ARHGAP23: variants seen among roughly 807,000 people sequenced by gnomAD.
ARHGAP23 encodes rho GTPase-activating protein 23.
ARHGAP23 carries 34 observed loss-of-function variants against 136.3 expected under a neutral mutation model. The observed-to-expected ratio is 0.25, with a 90% CI of 0.19 to 0.33. The LOEUF is 0.33. Ranked by LOEUF, ARHGAP23 falls within the 10% of genes least tolerant of loss-of-function variation. The probability of loss-of-function intolerance (pLI) is 1.00; values close to 1 mark genes in which losing one functional copy is unlikely to be tolerated. For missense variants in ARHGAP23, 1,808 were observed against 2,139.0 expected, an observed-to-expected ratio of 0.85 and a Z score of 3.05; for synonymous variants, 832 against 920.5, an observed-to-expected ratio of 0.90 and a Z score of 1.74.
chr17:38,482,470 C>T (rs1567814772), intron 15 of ARHGAP23, 53 bp from the exon 16 acceptor site: 9 of 1,477,506 alleles, frequency 6.1e-6, no homozygotes, highest in Non-Finnish European at 8.2e-6. Context: ...TTCTTGGCCT[C>T]CCCAGCTCCT....
At chr17:38,441,100 A>T (rs2038910106) in intron 1 of ARHGAP23, among the ~76,000 whole-genome samples, 1 of 152,198 alleles carries the variant, frequency 6.6e-6, no homozygotes, top group African/African-American at 2.4e-5. Flanking sequence ...CTGAGTGACC[A>T]TTCGGCCTAT....
At chr17:38,497,629 A>G (rs1026113114) in intron 20 of ARHGAP23, among the ~76,000 whole-genome samples, 156 bp from the exon 21 acceptor site, 1 of 152,134 alleles carries the variant, frequency 6.6e-6, no homozygotes, top group Non-Finnish European at 1.5e-5. Context: ...GGGTCCGTCA[A>G]GCTCCCTCTG....
At chr17:38,504,768 A>ACAGT (rs1215528260) in intron 23 of ARHGAP23, among the ~76,000 whole-genome samples, 1 of 152,060 alleles carries the variant, frequency 6.6e-6, no homozygotes, top group Non-Finnish European at 1.5e-5. Flanking sequence ...TCTAGATGTG[A>ACAGT]CAGTCCTGTC....
intron 16 of ARHGAP23, 71 bp from the exon 17 acceptor site, chr17:38,485,991 G>A (rs2144734768): frequency 1.4e-6 from 2 of 1,425,328 alleles, no homozygotes; most frequent in Middle Eastern, 2.3e-4. Context: ...TTGGGCTCTG[G>A]GGTGAATGAT....
At position 38,510,089 on chromosome 17, in the gene ARHGAP23, A is replaced by G; in HGVS notation, c.3593A>G (p.His1198Arg). Residue 1198 changes from histidine (H) to arginine (R), a missense_variant, in exon 24 of 24, where the codon CAC (histidine) becomes CGC (arginine). Around this residue, in one of 7 missense-constraint regions of ARHGAP23, gnomAD observed 506 missense variants for 455.8 expected, o/e 1.11. Transcript: ENST00000622683. This position sits in a 1 kb window ranked among gnomAD's most constrained non-coding sequence, Gnocchi z 4.6. ...STDDDSEQEAHKPGAGATAPG... is the reference protein window; with the variant it reads ...STDDDSEQEARKPGAGATAPG... ...GACGACGACTCGGAGCAGGAGGCGC[A>G]CAAGCCTGGGGCGGGGGCCACAGCG... 8.1e-7 allele frequency: 1 copy of G among 1,240,862 alleles called. No individual in the cohort carries two copies. The highest frequency in any genetic ancestry group is 3.1e-5 in the East Asian group (1 of 31,748). 76.9% of individuals were successfully genotyped at this position (1,240,862 alleles called of 1,614,324 possible). A position where few individuals can be genotyped will look rare whatever the true frequency, so the allele number is the denominator to read the frequency against.
rs569165575 is a variant in ARHGAP23, at chr17:38,481,454, G to A, written c.2630-568G>A. Among the ~76,000 whole-genome samples, 4 of 152,322 alleles carry A rather than the reference G, an allele frequency of 2.6e-5. No individual in the cohort carries two copies. In the East Asian group the frequency reaches 7.7e-4, roughly 29 times the overall value. ...AAGCCACCGCGCCCGGCCCACGCCC[G>A]GCTAATTTTTGTATGTTTAGTAGAG... On this transcript the variant is annotated intron_variant, in intron 14 of 23. Transcript: ENST00000622683.
chr17:38,492,609 G>A (rs190877012), intron 20 of ARHGAP23, among the ~76,000 whole-genome samples: 1,798 of 152,350 alleles, frequency 0.012, 11 homozygotes, highest in Non-Finnish European at 0.017. Flanking sequence ...GCTGGCTTGG[G>A]ACGGAGGGAG....
rs1264754569 is a variant in ARHGAP23 at position 38,482,663 on chromosome 17, C to T, written c.2892C>T (p.Ile964=). The T allele has an allele frequency of 1.9e-6, 3 of 1,548,238 alleles. No individual in the cohort carries two copies. Among genetic ancestry groups the T allele is most frequent in the Non-Finnish European group, 2.6e-6 (3 of 1,146,078 alleles). Residue 964 remains isoleucine, a synonymous_variant, in exon 16 of 24, where the codon ATC becomes ATT. Transcript: ENST00000622683. The stretch of plus-strand genomic sequence containing the variant: ...AGCTCAACCGCGGGCCTGGTGACAT[C>T]AACCTGCAGGATGAGGTGGGTGAAG... The part of the protein sequence containing the change: ...QEQLNRGPGD[I]NLQDERWQDL...
At chr17:38,487,044 G>A (rs1288038854) in intron 17 of ARHGAP23, among the ~76,000 whole-genome samples, 1 of 152,186 alleles carries the variant, frequency 6.6e-6, no homozygotes, top group Non-Finnish European at 1.5e-5. Context: ...CTTCCATGGC[G>A]TAAATACTCC....
At chr17:38,506,785 T>G (rs1318451019) in intron 23 of ARHGAP23, among the ~76,000 whole-genome samples, 1 of 152,162 alleles carries the variant, frequency 6.6e-6, no homozygotes, top group Non-Finnish European at 1.5e-5. Flanking sequence ...GGCTTCCACA[T>G]GTGAGTTTGG....
At chr17:38,427,310 A>G (rs772940324), upstream of ARHGAP23, among the ~76,000 whole-genome samples, 1 of 152,140 alleles carries the variant, frequency 6.6e-6, no homozygotes, top group Non-Finnish European at 1.5e-5. Context: ...ACCAAAGTAC[A>G]AAAGTTAGGT....
intron 1 of ARHGAP23, among the ~76,000 whole-genome samples, chr17:38,439,926 C>T (rs1214846714): frequency 1.3e-5 from 2 of 151,888 alleles, no homozygotes; most frequent in African/African-American, 2.4e-5. Context: ...GATGGGGTCT[C>T]ATCGTGTTGA....
chr17:38,480,639 A>G (rs2040015253), intron 14 of ARHGAP23, among the ~76,000 whole-genome samples: 1 of 151,232 alleles, frequency 6.6e-6, no homozygotes, highest in African/African-American at 2.4e-5. Flanking sequence ...ATCTCAAAAA[A>G]AAAAATACAA....
chr17:38,510,291 CG>C lies in ARHGAP23; in HGVS notation c.3797del (p.Gly1266ValfsTer17), dbSNP rs2040727015. On this transcript the variant is annotated frameshift_variant, in exon 24 of 24. Coordinates refer to ENST00000622683, the MANE Select transcript of ARHGAP23 (RefSeq NM_001199417.2). LOFTEE classifies it high-confidence loss of function. The surrounding 1 kb of genome is among the most constrained non-coding windows in gnomAD (Gnocchi z 4.6). Reference protein sequence around the residue: ...MDRSVCSGASGRRAGAGDEAD... With the variant: ...MDRSVCSGASXRRAGAGDEAD... The stretch of plus-strand genomic sequence containing the variant: ...ACCGCAGCGTGTGCTCGGGCGCTAG[CG>C]GTCGGCGGGCAGGGGCGGGGGATGA... The C allele has an allele frequency of 7.8e-7, 1 of 1,287,188 alleles. No individual in the cohort carries two copies. The highest frequency in any genetic ancestry group is 3.1e-5 in the East Asian group (1 of 31,874). 79.7% of individuals were successfully genotyped at this position (1,287,188 alleles called of 1,614,324 possible).
intron 23 of ARHGAP23, among the ~76,000 whole-genome samples, chr17:38,509,720 CAAGA>C (rs1163525779): frequency 6.6e-6 from 1 of 152,202 alleles, no homozygotes; most frequent in Non-Finnish European, 1.5e-5. Flanking sequence ...GCCCACCTCA[CAAGA>C]AAGAGCTGAG....
At chr17:38,494,722 G>A (rs1323043567) in intron 20 of ARHGAP23, among the ~76,000 whole-genome samples, 1 of 152,242 alleles carries the variant, frequency 6.6e-6, no homozygotes, top group Non-Finnish European at 1.5e-5. Context: ...GTGCAGGGCT[G>A]GGGTCGTAGT....
intron 20 of ARHGAP23, among the ~76,000 whole-genome samples, chr17:38,491,929 A>G (rs1311787658): frequency 2.0e-5 from 3 of 152,120 alleles, no homozygotes; most frequent in Non-Finnish European, 2.9e-5. Flanking sequence ...GTCTGGCCTG[A>G]TATCAGGAGG....
chr17:38,455,237 A>G (rs1237938320), intron 1 of ARHGAP23, among the ~76,000 whole-genome samples: 1 of 152,226 alleles, frequency 6.6e-6, no homozygotes, highest in Non-Finnish European at 1.5e-5. Flanking sequence ...AGAACTTCCC[A>G]CAGGGGAGAT....
In ARHGAP23 at chr17:38,512,229, G is replaced by GT. The variant is rs748418721; in HGVS notation, c.*1258dup. 3 of 152,158 alleles carry GT rather than the reference G, an allele frequency of 2.0e-5. No individual in the cohort carries two copies. The highest frequency in any genetic ancestry group is 2.9e-5 in the Non-Finnish European group (2 of 68,042). 9.4% of individuals were successfully genotyped at this position (152,158 alleles called of 1,614,324 possible). On this transcript the variant is annotated 3_prime_UTR_variant, in exon 24 of 24. Transcript: ENST00000622683. ...TGTTTTGCTCATTTACAAAAGTGTT[G>GT]TAACAGTGTTGGACAAAGCCTTCCA...
Sources: gnomAD v4.1 joint callset for allele counts (sites outside exome capture counted in the v4.1 genomes callset) on GRCh38, gnomAD v4.1.1 for gene constraint, gnomAD v4.1.1 regional missense constraint, Gnocchi (gnomAD v3.1) non-coding constraint, MANE v1.5 for transcripts, NCBI Gene and HGNC (gene_info 2026-07-23, HGNC 2026-07-21) for gene names.